DMD: variants seen among roughly 807,000 people sequenced by gnomAD.
DMD encodes the protein mutant dystrophin.
In DMD, 63 loss-of-function variants were observed where a neutral mutation model predicts 330.1. The ratio of observed to expected loss-of-function variants is 0.19; its 90% CI spans 0.16 to 0.24. The LOEUF is 0.24. DMD is among the 10% of genes least tolerant of loss of function. The pLI, the probability that DMD is intolerant of heterozygous loss-of-function variation, is 1.00. For missense variants in DMD, 3,344 were observed against 2,684.1 expected, an observed-to-expected ratio of 1.25 and a Z score of -5.43; for synonymous variants, 1,223 against 959.8, an observed-to-expected ratio of 1.27 and a Z score of -5.07.
chrX:33,160,706 A>G (rs895896077), intron 1 of DMD, among the ~76,000 whole-genome samples: 4 of 111,840 alleles, frequency 3.6e-5, no homozygotes, highest in Non-Finnish European at 7.5e-5. Context: ...ATTTATCAAG[A>G]GGAAATGTGA....
At position 32,920,056 on chromosome X, in the gene DMD, A is replaced by T. The variant is rs763914800; in HGVS notation, c.94-70236T>A. ...TGATGTCATTCTTAGATCTCAATTA[A>T]TTTAATTTGATACATCAACCTCCGT... On this transcript the variant is annotated intron_variant, in intron 2 of 78. Transcript: ENST00000357033. Among the ~76,000 whole-genome samples the T allele has an allele frequency of 3.6e-5, 4 of 111,733 alleles. No individual in the cohort carries two copies. The East Asian group carries it at 1.1e-3, about 31-fold the overall frequency.
At chrX:31,522,096 C>A (rs1186787912) in intron 55 of DMD, among the ~76,000 whole-genome samples, 1 of 109,987 alleles carries the variant, frequency 9.1e-6, no homozygotes, top group East Asian at 2.9e-4. Flanking sequence ...CCTTGCCCCC[C>A]AAGATTTGCA....
At chrX:33,050,920 A>G (rs781758833) in intron 1 of DMD, among the ~76,000 whole-genome samples, 1 of 111,809 alleles carries the variant, frequency 8.9e-6, no homozygotes, top group South Asian at 3.7e-4. Flanking sequence ...GAATTGAGAT[A>G]GACTTAGATG....
intron 43 of DMD, among the ~76,000 whole-genome samples, chrX:32,249,736 A>G (rs1396640429): frequency 1.8e-5 from 2 of 111,633 alleles, no homozygotes; most frequent in East Asian, 5.7e-4. Flanking sequence ...ATTCGACACA[A>G]AATGAAGGCA....
At chrX:32,012,657 T>C (rs902083595) in intron 44 of DMD, among the ~76,000 whole-genome samples, 3 of 111,775 alleles carry the variant, frequency 2.7e-5, no homozygotes, top group Non-Finnish European at 3.8e-5. Context: ...CAATCAACCA[T>C]GTAGTGGAGG....
chrX:31,119,839 T>A lies in DMD; in HGVS notation c.*2080A>T, dbSNP rs2032053229. ...TCATGTAATTTGGTAATTTGTTACCTTAGAGCTTTGGGTTTTCTTTTGAAA... is the reference window on the plus strand; with the variant it reads ...TCATGTAATTTGGTAATTTGTTACCATAGAGCTTTGGGTTTTCTTTTGAAA... On this transcript the variant is annotated 3_prime_UTR_variant, in exon 79 of 79. Transcript: ENST00000357033. 1 of 111,378 alleles carries A rather than the reference T, an allele frequency of 9.0e-6. No homozygotes were observed. 9.2% of individuals were successfully genotyped at this position (111,378 alleles called of 1,213,427 possible).
Position 31,150,500 on chromosome X carries a change from T to C in DMD, c.10554-2982A>G, listed in dbSNP as rs187835303. ...CTGATTAGAACTCTTGACATCTTTCTTCTACTTGTGATAAATACCAAAATA... is the reference window on the plus strand; with the variant it reads ...CTGATTAGAACTCTTGACATCTTTCCTCTACTTGTGATAAATACCAAAATA... On this transcript the variant is annotated intron_variant, in intron 74 of 78. Transcript: ENST00000357033. Among the ~76,000 whole-genome samples the C allele has an allele frequency of 5.3e-5, 6 of 112,172 alleles. No homozygotes were observed. In the East Asian group the frequency reaches 1.7e-3, roughly 31 times the overall value.
chrX:31,263,297 A>G (rs1416579374), intron 62 of DMD, among the ~76,000 whole-genome samples: 1 of 112,284 alleles, frequency 8.9e-6, no homozygotes, highest in East Asian at 2.8e-4. Flanking sequence ...CTAAAAGGAA[A>G]GGGAAACAGT....
At chrX:32,774,061 T>C (rs1297199152) in intron 7 of DMD, among the ~76,000 whole-genome samples, 1 of 111,449 alleles carries the variant, frequency 9.0e-6, no homozygotes, top group Non-Finnish European at 1.9e-5. Flanking sequence ...CCTAGAAAGA[T>C]ACACTCGCAC....
At chrX:31,814,343 C>A (rs910340369) in intron 50 of DMD, among the ~76,000 whole-genome samples, 17 of 106,709 alleles carry the variant, frequency 1.6e-4, no homozygotes, top group African/African-American at 5.8e-4. Flanking sequence ...ATTAGCCGGG[C>A]GTGGTGGCGG....
chrX:33,162,205 G>T (rs1188635243), intron 1 of DMD, among the ~76,000 whole-genome samples: 2 of 111,962 alleles, frequency 1.8e-5, no homozygotes, highest in African/African-American at 3.2e-5. Flanking sequence ...TGGCACAGAT[G>T]GTTTTGTAGA....
At chrX:32,490,466 T>C (rs1303777786) in intron 20 of DMD, among the ~76,000 whole-genome samples, 2 of 111,599 alleles carry the variant, frequency 1.8e-5, no homozygotes, top group African/African-American at 6.5e-5. Context: ...CTTCTCCTGT[T>C]ACCCAGGAGA....
chrX:32,361,876 ATT>A lies in DMD; in HGVS notation c.5325+910_5325+911del, dbSNP rs751943344. Among the ~76,000 whole-genome samples, 5 of 111,519 alleles carry A rather than the reference ATT, an allele frequency of 4.5e-5. No individual in the cohort carries two copies. In the East Asian group the frequency reaches 1.4e-3, roughly 31 times the overall value. On this transcript the variant is annotated intron_variant, in intron 37 of 78. Coordinates refer to ENST00000357033, the MANE Select transcript of DMD (RefSeq NM_004006.3). The stretch of plus-strand genomic sequence containing the variant: ...ATTATCTATATACCTAAATACATAT[ATT>A]GATTTTATATACATTTTTATGTTTG...
chrX:31,746,481 A>T (rs1348488476), intron 51 of DMD, among the ~76,000 whole-genome samples: 1 of 112,258 alleles, frequency 8.9e-6, no homozygotes, highest in Non-Finnish European at 1.9e-5. Context: ...CATTCATATA[A>T]ACCACTCTTG....
intron 1 of DMD, among the ~76,000 whole-genome samples, chrX:33,280,122 A>G (rs752117913): frequency 5.4e-5 from 6 of 110,354 alleles, no homozygotes; most frequent in African/African-American, 1.6e-4. Context: ...AGGTGGTACT[A>G]CAGGTGTGCG....
chrX:33,267,369 G>A (rs2053062175), intron 1 of DMD, among the ~76,000 whole-genome samples: 1 of 110,464 alleles, frequency 9.1e-6, no homozygotes, highest in African/African-American at 3.3e-5. Flanking sequence ...ACAGATAAAC[G>A]AAAAAGCATT....
chrX:31,829,905 A>G (rs977284348), intron 49 of DMD, among the ~76,000 whole-genome samples: 2 of 112,287 alleles, frequency 1.8e-5, no homozygotes, highest in African/African-American at 6.5e-5. Flanking sequence ...CAAGAGGTGA[A>G]ATTCAAATCT....
intron 1 of DMD, among the ~76,000 whole-genome samples, chrX:33,128,690 AAG>A (rs768968378): frequency 8.9e-6 from 1 of 112,082 alleles, no homozygotes; most frequent in South Asian, 3.7e-4. Context: ...GTTAGTGAAA[AAG>A]AAAAAGAAGC....
intron 74 of DMD, among the ~76,000 whole-genome samples, chrX:31,169,234 T>C (rs947266443): frequency 2.7e-5 from 3 of 110,231 alleles, no homozygotes; most frequent in African/African-American, 9.9e-5. Context: ...ACCTAAAATA[T>C]GAGTTCTTCA....
Sources: gnomAD v4.1 joint callset for allele counts (sites outside exome capture counted in the v4.1 genomes callset) on GRCh38, gnomAD v4.1.1 for gene constraint, MANE v1.5 for transcripts, NCBI Gene and HGNC (gene_info 2026-07-23, HGNC 2026-07-21) for gene names.